The following MAP1B variants were observed in gnomAD, a reference collection of about 807,000 sequenced individuals.
MAP1B encodes the protein microtubule-associated protein 1B.
A neutral mutation model predicts 176.1 loss-of-function variants in MAP1B; 12 were observed. The ratio of observed to expected loss-of-function variants is 0.07; its 90% confidence interval spans 0.04 to 0.11. MAP1B has a LOEUF of 0.11. Ranked by LOEUF, MAP1B falls within the 10% of genes least tolerant of loss-of-function variation. The probability of loss-of-function intolerance (pLI) is 1.00; values close to 1 mark genes in which losing one functional copy is unlikely to be tolerated. For synonymous variants in MAP1B, 1,044 were observed against 1,135.0 expected, an observed-to-expected ratio of 0.92 and a Z score of 1.61; for missense variants, 2,523 against 2,990.5, an observed-to-expected ratio of 0.84 and a Z score of 3.65.
chr5:72,126,698 A>G (rs1745639257), intron 2 of MAP1B, among the ~76,000 whole-genome samples: 1 of 152,224 alleles, frequency 6.6e-6, no homozygotes, highest in Non-Finnish European at 1.5e-5. Context: ...AATGGCTTTT[A>G]ATCCAGGCTT....
In MAP1B at chr5:72,208,153, A is replaced by T. The variant is rs961166195; in HGVS notation, c.*2914A>T. 6.6e-6 allele frequency: 1 copy of T among 152,124 alleles called. No homozygotes were observed. The highest frequency in any genetic ancestry group is 2.4e-5 in the African/African-American group (1 of 41,420). 9.4% of individuals were successfully genotyped at this position (152,124 alleles called of 1,614,324 possible). Reference sequence around the variant, plus strand: ...CATTACAGGTTGCTCCTGTCCTTCCAGACACCTTTCCTGCCTGTGTGACTA... The same window carrying T: ...CATTACAGGTTGCTCCTGTCCTTCCTGACACCTTTCCTGCCTGTGTGACTA... On this transcript the variant is annotated 3_prime_UTR_variant, in exon 7 of 7. Transcript: ENST00000296755.
In MAP1B at chr5:72,147,446, A is replaced by G. The variant is rs150204858; in HGVS notation, c.286+31647A>G. ...TATTCCAGGTAATATGCGTCACTGGATGAATCCTTTTTAGTGATTAAAAAA... is the reference window on the plus strand; with the variant it reads ...TATTCCAGGTAATATGCGTCACTGGGTGAATCCTTTTTAGTGATTAAAAAA... On this transcript the variant is annotated intron_variant, in intron 2 of 6. Transcript: ENST00000296755. 4.3e-3 allele frequency among the ~76,000 whole-genome samples: 657 copies of G among 151,764 alleles called. 3 individuals are homozygous for G. Among genetic ancestry groups the G allele is most frequent in the Admixed American group, 9.2e-3 (141 of 15,254 alleles).
At chr5:72,187,935 A>G (rs1010102120) in intron 4 of MAP1B, among the ~76,000 whole-genome samples, 7 of 152,214 alleles carry the variant, frequency 4.6e-5, no homozygotes, top group African/African-American at 1.2e-4. Flanking sequence ...CTTGAAACAC[A>G]TACCAGGATG....
Position 72,198,813 on chromosome 5 carries a change from C to T in MAP1B, c.5458C>T (p.Pro1820Ser), listed in dbSNP as rs1747249774. Reference sequence around the variant, plus strand: ...AGCAACTTGCCACAGTTCCTCTTCTCCACCAATAGATGCAGCATCCGCAGA... The same window carrying T: ...AGCAACTTGCCACAGTTCCTCTTCTTCACCAATAGATGCAGCATCCGCAGA... ...KTATCHSSSS[P>S]PIDAASAEPY... is the part of the protein sequence containing the mutation. Residue 1820 changes from proline (P) to serine (S), a missense_variant, in exon 5 of 7, where the codon CCA becomes TCA. Physicochemically the swap from Pro to Ser is moderately conservative, Grantham distance 74. Transcript: ENST00000296755. 6.2e-7 allele frequency: 1 copy of T among 1,614,214 alleles called. No individual in the cohort carries two copies. Among genetic ancestry groups the T allele is most frequent in the Non-Finnish European group, 8.5e-7 (1 of 1,180,042 alleles).
At chr5:72,183,961 C>A in intron 3 of MAP1B, 136 bp downstream of exon 3, 1 of 695,440 alleles carries the variant, frequency 1.4e-6, no homozygotes. Flanking sequence ...AGGTCTTTCT[C>A]AACCCCCATT....
In MAP1B at chr5:72,167,016, CTTT is replaced by C. The variant is rs35935162; in HGVS notation, c.287-16713_287-16711del. ...ATGTATGCTAATTGCTATATTCCTT[CTTT>C]TTTTTTTTTTTTTCCACGGGAAATG... On this transcript the variant is annotated intron_variant, in intron 2 of 6. Coordinates refer to ENST00000296755, the MANE Select transcript of MAP1B (RefSeq NM_005909.5). 5.8e-3 allele frequency among the ~76,000 whole-genome samples: 832 copies of C among 142,390 alleles called. 5 individuals carry two copies. Among genetic ancestry groups the C allele is most frequent in the Non-Finnish European group, 9.0e-3 (585 of 65,270 alleles). 93.4% of individuals were successfully genotyped at this position (142,390 alleles called of 152,430 possible).
At position 72,199,459 on chromosome 5, in the gene MAP1B, C is replaced by G; in HGVS notation, c.6104C>G (p.Pro2035Arg). 6 of 1,614,148 alleles carry G rather than the reference C, an allele frequency of 3.7e-6. No homozygotes were observed. Among genetic ancestry groups the G allele is most frequent in the Non-Finnish European group, 5.1e-6 (6 of 1,180,022 alleles). Residue 2035 changes from proline (P) to arginine (R), a missense_variant, in exon 5 of 7, where the codon CCT (proline) becomes CGT (arginine). Coordinates refer to ENST00000296755, the MANE Select transcript of MAP1B (RefSeq NM_005909.5). The surrounding 1 kb of genome is among the most constrained non-coding windows in gnomAD (Gnocchi z 4.2). ...YETSTKTTRTPDTSTYCYETA... is the reference protein window; with the variant it reads ...YETSTKTTRTRDTSTYCYETA... ...ACATCTACAAAGACAACACGAACCCCTGATACTTCCACATACTGTTACGAG... is the reference window on the plus strand; with the variant it reads ...ACATCTACAAAGACAACACGAACCCGTGATACTTCCACATACTGTTACGAG...
intron 2 of MAP1B, among the ~76,000 whole-genome samples, chr5:72,146,697 T>A (rs2112160614): frequency 6.6e-6 from 1 of 152,320 alleles, no homozygotes; most frequent in East Asian, 1.9e-4. Context: ...CCTCAGAGCT[T>A]ACTGCTCAAT....
rs766331845 is a variant in MAP1B, at chr5:72,197,029, A to G, written c.3674A>G (p.Asp1225Gly). The G allele has an allele frequency of 6.2e-7, 1 of 1,614,176 alleles. No homozygotes were observed. The highest frequency in any genetic ancestry group is 2.2e-5 in the East Asian group (1 of 44,882). ...EDKFSRSALR[D>G]AYCSEVKAST... is the part of the protein sequence containing the mutation. ...AAATTCAGCAGATCTGCTTTACGTGATGCTTACTGCTCTGAAGTGAAAGCC... is the reference window on the plus strand; with the variant it reads ...AAATTCAGCAGATCTGCTTTACGTGGTGCTTACTGCTCTGAAGTGAAAGCC... Residue 1225 changes from aspartate (D) to glycine (G), a missense_variant, in exon 5 of 7, where the codon GAT becomes GGT. Transcript: ENST00000296755.
At chr5:72,121,526 G>C (rs1255175020) in intron 2 of MAP1B, among the ~76,000 whole-genome samples, 1 of 152,180 alleles carries the variant, frequency 6.6e-6, no homozygotes, top group East Asian at 1.9e-4. Context: ...GATTTGTGCT[G>C]AGTGATTGCT....
At chr5:72,180,412 G>A (rs1343308867) in intron 2 of MAP1B, among the ~76,000 whole-genome samples, 1 of 152,138 alleles carries the variant, frequency 6.6e-6, no homozygotes, top group Non-Finnish European at 1.5e-5. Flanking sequence ...TTTGTTTCAA[G>A]AAGACCACTG....
chr5:72,178,711 T>A (rs2112204221), intron 2 of MAP1B, among the ~76,000 whole-genome samples: 1 of 147,468 alleles, frequency 6.8e-6, no homozygotes, highest in African/African-American at 2.5e-5. Flanking sequence ...AAAACCAGGG[T>A]GAAGCCTCTG....
intron 2 of MAP1B, among the ~76,000 whole-genome samples, chr5:72,146,627 T>G (rs2112160524): frequency 6.6e-6 from 1 of 152,292 alleles, no homozygotes; most frequent in East Asian, 1.9e-4. Flanking sequence ...TTAAACAGCA[T>G]GCCCAAGGTC....
At position 72,205,450 on chromosome 5, in the gene MAP1B, C is replaced by G; in HGVS notation, c.*211C>G. On this transcript the variant is annotated 3_prime_UTR_variant, in exon 7 of 7. Coordinates refer to ENST00000296755, the MANE Select transcript of MAP1B (RefSeq NM_005909.5). Reference sequence around the variant, plus strand: ...ATAACAGTATTTCCACAATAGGGTTCAAATTCCTGCAAAATTACCTACCCC... The same window carrying G: ...ATAACAGTATTTCCACAATAGGGTTGAAATTCCTGCAAAATTACCTACCCC... 2.0e-6 allele frequency: 1 copy of G among 507,462 alleles called. No homozygotes were observed. Among genetic ancestry groups the G allele is most frequent in the Middle Eastern group, 5.2e-4 (1 of 1,924 alleles). 31.4% of individuals were successfully genotyped at this position (507,462 alleles called of 1,614,324 possible). A position where few individuals can be genotyped will look rare whatever the true frequency, so the allele number is the denominator to read the frequency against.
chr5:72,165,015 C>T (rs1260301569), intron 2 of MAP1B, among the ~76,000 whole-genome samples: 2 of 151,946 alleles, frequency 1.3e-5, no homozygotes, highest in African/African-American at 4.8e-5. Context: ...GATACAGTGC[C>T]CTACTGTTGC....
chr5:72,160,097 C>CT (rs1299433755), intron 2 of MAP1B, among the ~76,000 whole-genome samples: 4 of 151,776 alleles, frequency 2.6e-5, no homozygotes, highest in Admixed American at 2.0e-4. Flanking sequence ...TCTTCTTCCC[C>CT]TTTTTTTGTA....
intron 3 of MAP1B, among the ~76,000 whole-genome samples, chr5:72,185,227 CT>C (rs911447891): frequency 9.2e-5 from 14 of 152,182 alleles, no homozygotes; most frequent in African/African-American, 3.4e-4. Flanking sequence ...GTTGCTTCCA[CT>C]TTTTGGCTGT....
At position 72,199,541 on chromosome 5, in the gene MAP1B, A is replaced by G. The variant is rs1410006043; in HGVS notation, c.6186A>G (p.Ser2062=). 5 of 1,614,110 alleles carry G rather than the reference A, an allele frequency of 3.1e-6. No individual in the cohort carries two copies. The highest frequency in any genetic ancestry group is 4.2e-6 in the Non-Finnish European group (5 of 1,180,052). The stretch of plus-strand genomic sequence containing the variant: ...CATCCACATATTCCTACGAGACTTC[A>G]GACCTATGCTACACTGCAGAAAAGA... ...PQASTYSYET[S]DLCYTAEKKS... is the part of the protein sequence containing the mutation. Residue 2062 remains serine (S), a synonymous_variant, in exon 5 of 7, where the codon TCA becomes TCG. Coordinates refer to ENST00000296755, the MANE Select transcript of MAP1B (RefSeq NM_005909.5). The surrounding 1 kb of genome is among the most constrained non-coding windows in gnomAD (Gnocchi z 4.2).
Position 72,193,846 on chromosome 5 carries a change from TTTC to T in MAP1B, c.511-17_511-15del. On this transcript the variant is annotated splice_polypyrimidine_tract_variant and intron_variant, in intron 4 of 6. Coordinates refer to ENST00000296755, the MANE Select transcript of MAP1B (RefSeq NM_005909.5). ...ATCACTTACACCTTTTCTTTCTTTC[TTTC>T]TTTCTTTAAAACCCAGATCGGGGAG... 2 of 1,553,328 alleles carry T rather than the reference TTTC, an allele frequency of 1.3e-6. No individual in the cohort carries two copies. Among genetic ancestry groups the T allele is most frequent in the Non-Finnish European group, 1.7e-6 (2 of 1,156,470 alleles).
Sources: gnomAD v4.1 joint callset for allele counts (sites outside exome capture counted in the v4.1 genomes callset) on GRCh38, gnomAD v4.1.1 for gene constraint, Gnocchi (gnomAD v3.1) non-coding constraint, MANE v1.5 for transcripts, NCBI Gene and HGNC (gene_info 2026-07-23, HGNC 2026-07-21) for gene names.